The following IDO2 variants were observed in gnomAD, a reference collection of about 807,000 sequenced individuals.
The protein encoded by IDO2 is indoleamine 2,3-dioxygenase-like 1 protein.
IDO2 carries 46 observed loss-of-function variants against 45.1 expected under a neutral mutation model. The observed-to-expected ratio is 1.02, with a 90% confidence interval of 0.80 to 1.30. The LOEUF (loss-of-function observed/expected upper bound fraction) is 1.30, where lower values mean the gene tolerates loss of function less well. IDO2 is among the 50% of genes most tolerant of loss of function. The pLI is 0.00. For missense variants in IDO2, 544 were observed against 491.8 expected (o/e 1.11, Z -1.00); for synonymous variants, 218 against 184.9 (o/e 1.18, Z -1.45).
At chr8:40,007,338 T>C (rs1339148087) in intron 9 of IDO2, among the ~76,000 whole-genome samples, 1 of 151,942 alleles carries the variant, frequency 6.6e-6, no homozygotes, top group Non-Finnish European at 1.5e-5. Context: ...GTTTGACGTG[T>C]GAAGCACTTC....
chr8:40,013,642 G>A, exon 10 of IDO2: 5 of 1,613,912 alleles, frequency 3.1e-6, no homozygotes, highest in Middle Eastern at 1.6e-4. Context: ...TACTCCGGCG[G>A]GAGTGCAGCT....
At chr8:40,005,495 A>C (rs570885778) in intron 9 of IDO2, 117 bp downstream of exon 9, 3 of 537,144 alleles carry the variant, frequency 5.6e-6, no homozygotes, top group Non-Finnish European at 9.4e-6. Context: ...GACTCTTGCT[A>C]GGGATCCACT....
At position 40,001,245 on chromosome 8, in the gene IDO2, A is replaced by ATTTTT. The variant is rs1187145007; in HGVS notation, c.668-4062_668-4058dup. On this transcript the variant is annotated intron_variant, in intron 8 of 10. Coordinates refer to ENST00000502986, the Ensembl canonical transcript of IDO2. ...TTCTGTAAAATATGTGGCTTTCCTC[A>ATTTTT]TTTTTTTTTTTTTTTTTTTTTTTTG... Among the ~76,000 whole-genome samples, 104 of 94,446 alleles carry ATTTTT rather than the reference A, an allele frequency of 1.1e-3. 2 individuals are homozygous for ATTTTT. Among genetic ancestry groups the ATTTTT allele is most frequent in the Admixed American group, 1.6e-3 (11 of 6,856 alleles). The allele number at this position is 94,446 out of a possible 152,430, so 62.0% of individuals were successfully genotyped here. A position where few individuals can be genotyped will look rare whatever the true frequency, so the allele number is the denominator to read the frequency against.
intron 8 of IDO2, among the ~76,000 whole-genome samples, chr8:40,004,403 G>A (rs1200388961): frequency 6.6e-6 from 1 of 152,096 alleles, no homozygotes; most frequent in Non-Finnish European, 1.5e-5. Flanking sequence ...TAGATAAATA[G>A]GTAGATAGGT....
intron 4 of IDO2, among the ~76,000 whole-genome samples, chr8:39,980,363 A>C (rs1423424647): frequency 6.6e-6 from 1 of 152,186 alleles, no homozygotes; most frequent in Non-Finnish European, 1.5e-5. Context: ...CCCAGGGGAC[A>C]CATTGACATT....
chr8:39,974,423 A>G (rs189671581), intron 3 of IDO2, among the ~76,000 whole-genome samples: 1 of 152,382 alleles, frequency 6.6e-6, no homozygotes, highest in East Asian at 1.9e-4. Flanking sequence ...TAAATGTCAA[A>G]ATCAAAAATG....
Position 40,015,025 on chromosome 8 carries a change from G to A in IDO2, c.869-222G>A, listed in dbSNP as rs143130631. On this transcript the variant is annotated intron_variant, in intron 10 of 10. Transcript: ENST00000502986. ...AAAAATATTAGCTGGGTGTGGTGGC[G>A]CACACCTGTAGTTTCAGCTACTCAG... is the stretch of plus-strand genomic sequence containing the variant. Among the ~76,000 whole-genome samples, 1,162 of 152,110 alleles carry A rather than the reference G, an allele frequency of 7.6e-3. 34 individuals carry two copies. The highest frequency in any genetic ancestry group is 0.011 in the East Asian group (58 of 5,182).
intron 2 of IDO2, among the ~76,000 whole-genome samples, chr8:39,962,281 T>C (rs1025284708): frequency 2.0e-5 from 3 of 152,194 alleles, no homozygotes; most frequent in African/African-American, 7.2e-5. Flanking sequence ...ATTTTCCAAG[T>C]GTATCTTTAA....
intron 2 of IDO2, among the ~76,000 whole-genome samples, chr8:39,952,530 C>G (rs1807828134): frequency 6.6e-6 from 1 of 152,204 alleles, no homozygotes. Context: ...CTGTTTCTGT[C>G]AATGTTCAAA....
chr8:39,969,090 A>G (rs530665123), intron 3 of IDO2, among the ~76,000 whole-genome samples: 19 of 152,270 alleles, frequency 1.2e-4, no homozygotes, highest in South Asian at 4.1e-4. Flanking sequence ...TCAGTTTTTC[A>G]TGGGGTGCGG....
At chr8:40,011,799 C>A (rs1009770500) in intron 9 of IDO2, among the ~76,000 whole-genome samples, 3 of 152,172 alleles carry the variant, frequency 2.0e-5, no homozygotes, top group African/African-American at 7.2e-5. Context: ...TGAACTAAGC[C>A]AAGGCTCACT....
At chr8:39,989,891 T>C in intron 8 of IDO2, 53 bp downstream of exon 8, 1 of 1,256,268 alleles carries the variant, frequency 8.0e-7, no homozygotes. Context: ...TGGGCTCTGC[T>C]TAGGGGAAGA....
At chr8:39,964,856 G>A (rs2129593879) in intron 3 of IDO2, among the ~76,000 whole-genome samples, 1 of 152,332 alleles carries the variant, frequency 6.6e-6, no homozygotes, top group East Asian at 1.9e-4. Flanking sequence ...AGCAAATCAT[G>A]TATAAAATCC....
At chr8:39,982,500 C>T (rs537548935) in intron 4 of IDO2, among the ~76,000 whole-genome samples, 152 bp from the exon 5 acceptor site, 10 of 152,150 alleles carry the variant, frequency 6.6e-5, no homozygotes, top group African/African-American at 1.2e-4. Flanking sequence ...GATATGTGTG[C>T]GGCATATGAA....
chr8:40,014,798 G>A (rs1802361509), intron 10 of IDO2, among the ~76,000 whole-genome samples: 1 of 152,132 alleles, frequency 6.6e-6, no homozygotes, highest in African/African-American at 2.4e-5. Context: ...AAACAAAAGG[G>A]CCAAGGTAGA....
Position 39,963,606 on chromosome 8 carries a change from A to G in IDO2, c.100-2A>G. The G allele has an allele frequency of 6.3e-7, 1 of 1,588,292 alleles. No homozygotes were observed. The highest frequency in any genetic ancestry group is 8.6e-7 in the Non-Finnish European group (1 of 1,160,748). ...ATTTACATGTTTCTATTTTAAATGC[A>G]GAAAGAACTTCCAGATCATTATAGG... On this transcript the variant is annotated splice_acceptor_variant, in intron 2 of 10. Transcript: ENST00000502986. LOFTEE classifies it high-confidence loss of function.
intron 1 of IDO2, among the ~76,000 whole-genome samples, chr8:39,945,000 C>A (rs1465030944): frequency 3.3e-5 from 5 of 152,232 alleles, no homozygotes; most frequent in African/African-American, 7.2e-5. Flanking sequence ...TACCTTAGCT[C>A]TAGTCCTTGC....
At chr8:40,015,555 A>T (rs368255551) in exon 11 of IDO2, 1 of 1,613,902 alleles carries the variant, frequency 6.2e-7, no homozygotes, top group Non-Finnish European at 8.5e-7. Context: ...CTTTCTTAAG[A>T]GTGTCAGGGA....
At chr8:40,010,696 G>C (rs1223728589) in intron 9 of IDO2, among the ~76,000 whole-genome samples, 1 of 152,098 alleles carries the variant, frequency 6.6e-6, no homozygotes, top group African/African-American at 2.4e-5. Context: ...AGGTTTTGGG[G>C]TCCTGGTTCA....
Sources: gnomAD v4.1 joint callset for allele counts (sites outside exome capture counted in the v4.1 genomes callset) on GRCh38, gnomAD v4.1.1 for gene constraint, MANE v1.5 for transcripts, NCBI Gene and HGNC (gene_info 2026-07-23, HGNC 2026-07-21) for gene names.